Variants in MARK2 observed in about 807,000 individuals in gnomAD.
MARK2 encodes the protein microtubule affinity regulating kinase 2.
A neutral mutation model predicts 89.8 loss-of-function variants in MARK2; 16 were observed. The observed-to-expected ratio is 0.18, with a 90% CI of 0.12 to 0.27. MARK2 has a LOEUF of 0.27. Ranked by LOEUF, MARK2 falls within the 10% of genes least tolerant of loss-of-function variation. The pLI is 1.00. For missense variants in MARK2, 621 were observed against 1,049.9 expected, an observed-to-expected ratio of 0.59 and a Z score of 5.65; for synonymous variants, 382 against 399.5, an observed-to-expected ratio of 0.96 and a Z score of 0.52.
chr11:63,881,638 T>C (rs558254484), intron 1 of MARK2, among the ~76,000 whole-genome samples: 1 of 152,070 alleles, frequency 6.6e-6, no homozygotes, highest in African/African-American at 2.4e-5. Flanking sequence ...GGTTAAGGTA[T>C]GGGGACACAA....
chr11:63,897,245 G>A (rs1940485984), intron 3 of MARK2, among the ~76,000 whole-genome samples: 1 of 152,226 alleles, frequency 6.6e-6, no homozygotes, highest in African/African-American at 2.4e-5. Flanking sequence ...TACTGCCCCA[G>A]AGGGTGGTAT....
intron 1 of MARK2, among the ~76,000 whole-genome samples, chr11:63,869,832 C>T (rs908676942): frequency 1.3e-5 from 2 of 152,184 alleles, no homozygotes; most frequent in East Asian, 1.9e-4. Context: ...GACATGCAGA[C>T]GATGCCCACT....
intron 1 of MARK2, among the ~76,000 whole-genome samples, chr11:63,885,626 G>C (rs1939348093): frequency 6.6e-6 from 1 of 150,474 alleles, no homozygotes; most frequent in South Asian, 2.1e-4. Context: ...CTTGAGGCCA[G>C]GTGTTCAAGA....
chr11:63,848,081 A>G (rs568035443), intron 1 of MARK2, among the ~76,000 whole-genome samples: 1 of 152,338 alleles, frequency 6.6e-6, no homozygotes, highest in African/African-American at 2.4e-5. Flanking sequence ...TCCGGTCACC[A>G]TGTGTGCTGA....
chr11:63,895,727 T>C (rs1056547448), intron 3 of MARK2, 94 bp downstream of exon 3: 1 of 1,118,292 alleles, frequency 8.9e-7, no homozygotes, highest in Non-Finnish European at 1.3e-6. Flanking sequence ...TGGAGTGCAA[T>C]GGTGTGATCT....
At chr11:63,894,231 T>C (rs1206289537) in intron 1 of MARK2, among the ~76,000 whole-genome samples, 1 of 152,264 alleles carries the variant, frequency 6.6e-6, no homozygotes, top group East Asian at 1.9e-4. Flanking sequence ...TTTCATGTGC[T>C]TCCATTTTTA....
intron 16 of MARK2, among the ~76,000 whole-genome samples, chr11:63,905,379 A>G (rs530106417): frequency 3.3e-5 from 5 of 152,236 alleles, no homozygotes; most frequent in Admixed American, 2.6e-4. Flanking sequence ...ATGGAAACTT[A>G]TATTTGGTGA....
At chr11:63,849,427 A>C (rs1194437818) in intron 1 of MARK2, among the ~76,000 whole-genome samples, 9 of 152,094 alleles carry the variant, frequency 5.9e-5, no homozygotes, top group Non-Finnish European at 2.9e-5. Flanking sequence ...ACACTTTTTG[A>C]CTTCCAATAA....
chr11:63,896,166 A>G (rs984898496), intron 3 of MARK2, among the ~76,000 whole-genome samples: 2 of 152,188 alleles, frequency 1.3e-5, no homozygotes, highest in African/African-American at 4.8e-5. Context: ...CTTCCTGGCC[A>G]TAGGCACTGG....
At chr11:63,891,979 A>G (rs987986390) in intron 1 of MARK2, among the ~76,000 whole-genome samples, 6 of 152,212 alleles carry the variant, frequency 3.9e-5, no homozygotes, top group African/African-American at 1.2e-4. Flanking sequence ...TTGGAAGGGA[A>G]AAAAGCAGGT....
At chr11:63,899,799 C>G in intron 7 of MARK2, 75 bp from the exon 8 acceptor site, 1 of 922,412 alleles carries the variant, frequency 1.1e-6, no homozygotes, top group Admixed American at 1.8e-5. Context: ...TTCTCCCATT[C>G]CCCTCAGCTC....
rs1403591143 is a variant in MARK2 at position 63,839,351 on chromosome 11, C to T, written c.-156C>T. On this transcript the variant is annotated 5_prime_UTR_variant, in exon 1 of 19. Coordinates refer to ENST00000402010, the MANE Select transcript of MARK2 (RefSeq NM_001039469.3). ...CTAGCCCGAGCGGCGCATCCCCGGGCTGGCGTGAGCGGCTGCCCGGCCTCC... is the reference window on the plus strand; with the variant it reads ...CTAGCCCGAGCGGCGCATCCCCGGGTTGGCGTGAGCGGCTGCCCGGCCTCC... The T allele has an allele frequency of 3.8e-6, 2 of 533,036 alleles. No individual in the cohort carries two copies. The highest frequency in any genetic ancestry group is 4.1e-5 in the African/African-American group (2 of 48,904). The allele number at this position is 533,036 out of a possible 1,614,324, so 33.0% of individuals were successfully genotyped here. A position where few individuals can be genotyped will look rare whatever the true frequency, so the allele number is the denominator to read the frequency against.
intron 1 of MARK2, among the ~76,000 whole-genome samples, chr11:63,878,645 A>C (rs1841858410): frequency 6.6e-6 from 1 of 152,060 alleles, no homozygotes; most frequent in Non-Finnish European, 1.5e-5. Context: ...CTGGGATTAC[A>C]GGAGTGAGCC....
At chr11:63,892,435 T>A (rs1395687570) in intron 1 of MARK2, among the ~76,000 whole-genome samples, 1 of 152,202 alleles carries the variant, frequency 6.6e-6, no homozygotes. Flanking sequence ...TGTCTAGGAA[T>A]GCTGGACAGT....
chr11:63,904,250 G>C lies in MARK2; in HGVS notation c.1676+103G>C. On this transcript the variant is annotated intron_variant, in intron 15 of 18. Transcript: ENST00000402010. The surrounding 1 kb of genome is among the most constrained non-coding windows in gnomAD (Gnocchi z 6.3). ...CACTTGGGGGTCCTGCTGTGTTCTT[G>C]TCATCTTAGCCACAAGAAATGGGTC... The C allele has an allele frequency of 9.2e-7, 1 of 1,085,282 alleles. No individual in the cohort carries two copies. 67.2% of individuals were successfully genotyped at this position (1,085,282 alleles called of 1,614,324 possible).
rs76779681 is a variant in MARK2, at chr11:63,856,344, A to G, written c.54+16784A>G. 3.0e-3 allele frequency among the ~76,000 whole-genome samples: 286 copies of G among 93,996 alleles called. 2 individuals are homozygous for G. The highest frequency in any genetic ancestry group is 9.8e-3 in the African/African-American group (279 of 28,380). The allele number at this position is 93,996 out of a possible 152,430, so 61.7% of individuals were successfully genotyped here. On this transcript the variant is annotated intron_variant, in intron 1 of 18. Coordinates refer to ENST00000402010, the MANE Select transcript of MARK2 (RefSeq NM_001039469.3). Reference sequence around the variant, plus strand: ...TTGTTTTTTTTTTTTTTTTAAATATATGGCTTGTTTATTCTTTTTCTCCCC... The same window carrying G: ...TTGTTTTTTTTTTTTTTTTAAATATGTGGCTTGTTTATTCTTTTTCTCCCC...
At position 63,903,087 on chromosome 11, in the gene MARK2, T is replaced by A. The variant is rs780996265; in HGVS notation, c.1443T>A (p.Asn481Lys). 1 of 1,613,954 alleles carries A rather than the reference T, an allele frequency of 6.2e-7. No individual in the cohort carries two copies. The highest frequency in any genetic ancestry group is 8.5e-7 in the Non-Finnish European group (1 of 1,179,974). ...STNSVLSTST[N>K]RSRNSPLLER... Reference sequence around the variant, plus strand: ...ACAGCGTCCTCTCCACCAGCACAAATCGAAGCAGGAATTCCCCACTTTTGG... The same window carrying A: ...ACAGCGTCCTCTCCACCAGCACAAAACGAAGCAGGAATTCCCCACTTTTGG... The change falls in exon 14 of 19, where the codon AAT (asparagine) becomes AAA (lysine). Residue 481 changes from asparagine (N) to lysine (K), a missense_variant. Transcript: ENST00000402010. This position sits in a 1 kb window ranked among gnomAD's most constrained non-coding sequence, Gnocchi z 5.1.
At chr11:63,868,809 A>G (rs1938281174) in intron 1 of MARK2, 1 of 455,990 alleles carries the variant, frequency 2.2e-6, no homozygotes, top group African/African-American at 2.0e-5. Flanking sequence ...TGGAGAGATC[A>G]TGTGGTCTGT....
At chr11:63,844,162 G>A (rs369802380) in intron 1 of MARK2, among the ~76,000 whole-genome samples, 14 of 152,330 alleles carry the variant, frequency 9.2e-5, no homozygotes, top group African/African-American at 3.1e-4. Context: ...AATCTGAAAA[G>A]TAACTGTACC....
Sources: gnomAD v4.1 joint callset for allele counts (sites outside exome capture counted in the v4.1 genomes callset) on GRCh38, gnomAD v4.1.1 for gene constraint, Gnocchi (gnomAD v3.1) non-coding constraint, MANE v1.5 for transcripts, NCBI Gene and HGNC (gene_info 2026-07-23, HGNC 2026-07-21) for gene names.